The following MARK3 variants were observed in gnomAD, a reference collection of about 807,000 sequenced individuals.
The protein encoded by MARK3 is microtubule affinity regulating kinase 3, also known as MAP/microtubule affinity-regulating kinase 3.
MARK3 carries 46 observed loss-of-function variants against 90.1 expected under a neutral mutation model. The observed-to-expected ratio is 0.51, with a 90% CI of 0.40 to 0.65. The LOEUF is 0.65. Ranked by LOEUF, MARK3 falls within the 30% of genes least tolerant of loss-of-function variation. The pLI is 0.00. For synonymous variants in MARK3, 321 were observed against 332.6 expected (o/e 0.97, Z 0.38); for missense variants, 818 against 947.2 (o/e 0.86, Z 1.79).
intron 15 of MARK3, among the ~76,000 whole-genome samples, chr14:103,496,436 G>A (rs978949573): frequency 3.3e-5 from 5 of 149,466 alleles, no homozygotes; most frequent in Non-Finnish European, 5.9e-5. Flanking sequence ...TTTTTGAGAC[G>A]GAGTCTCGCT....
intron 11 of MARK3, 82 bp from the exon 12 acceptor site, chr14:103,467,951 T>G: frequency 7.3e-7 from 1 of 1,363,746 alleles, no homozygotes. Context: ...ATGAGAGGTC[T>G]GTGTTAATGA....
chr14:103,386,560 C>G (rs926424790), intron 1 of MARK3, among the ~76,000 whole-genome samples: 3 of 152,206 alleles, frequency 2.0e-5, no homozygotes, highest in African/African-American at 7.2e-5. Flanking sequence ...TGGTCTGGAA[C>G]TAAATTTAAT....
intron 4 of MARK3, 24 bp from the exon 5 acceptor site, chr14:103,451,894 T>A (rs373645149): frequency 3.2e-6 from 5 of 1,575,342 alleles, no homozygotes; most frequent in Non-Finnish European, 4.3e-6. Flanking sequence ...CTCTTTTTCT[T>A]CCGTGTCCTC....
chr14:103,402,213 C>T (rs2091005210), intron 1 of MARK3, among the ~76,000 whole-genome samples: 1 of 152,162 alleles, frequency 6.6e-6, no homozygotes, highest in Non-Finnish European at 1.5e-5. Flanking sequence ...ATTATAAGCA[C>T]ACTGGTGAGT....
intron 2 of MARK3, among the ~76,000 whole-genome samples, chr14:103,425,268 A>ATTTC (rs2092364489): frequency 6.8e-6 from 1 of 146,312 alleles, no homozygotes; most frequent in African/African-American, 2.5e-5. Flanking sequence ...TTATTTATTT[A>ATTTC]TTTATTTATT....
At chr14:103,424,067 G>C (rs1250970850) in intron 2 of MARK3, among the ~76,000 whole-genome samples, 1 of 152,104 alleles carries the variant, frequency 6.6e-6, no homozygotes, top group Non-Finnish European at 1.5e-5. Context: ...AATTAGCTGG[G>C]TGTGGTGGCA....
intron 4 of MARK3, among the ~76,000 whole-genome samples, chr14:103,450,875 A>AGTGTGTGTGT (rs61183226): frequency 1.9e-3 from 222 of 114,874 alleles, no homozygotes; most frequent in South Asian, 3.3e-3. Context: ...TCATTTTTAA[A>AGTGTGTGTGT]GTGTGTGTGT....
intron 3 of MARK3, among the ~76,000 whole-genome samples, chr14:103,432,582 G>A (rs1322151201): frequency 6.6e-6 from 1 of 152,102 alleles, no homozygotes; most frequent in African/African-American, 2.4e-5. Context: ...CCGGCACAGT[G>A]GCTCACTCCT....
intron 3 of MARK3, among the ~76,000 whole-genome samples, chr14:103,445,362 C>T (rs1460754453): frequency 1.3e-5 from 2 of 152,198 alleles, no homozygotes; most frequent in South Asian, 4.1e-4. Flanking sequence ...CTTCCTGCTT[C>T]CTCCCTGTCC....
intron 2 of MARK3, among the ~76,000 whole-genome samples, chr14:103,426,862 T>A (rs1595616326): frequency 6.6e-6 from 1 of 150,528 alleles, no homozygotes. Context: ...TCCCTTTCCT[T>A]CTTTAACTGC....
chr14:103,446,014 G>A (rs953108987), intron 3 of MARK3, among the ~76,000 whole-genome samples: 1 of 152,170 alleles, frequency 6.6e-6, no homozygotes, highest in African/African-American at 2.4e-5. Context: ...CTTGGTTTCA[G>A]GTATACAGTA....
intron 6 of MARK3, chr14:103,458,872 G>T: frequency 5.7e-6 from 3 of 523,178 alleles, no homozygotes; most frequent in Non-Finnish European, 1.0e-5. Flanking sequence ...ATGGTACTTT[G>T]AATTCAAATC....
At chr14:103,418,021 A>C (rs1365572880) in intron 2 of MARK3, among the ~76,000 whole-genome samples, 1 of 152,196 alleles carries the variant, frequency 6.6e-6, no homozygotes, top group East Asian at 1.9e-4. Flanking sequence ...GTGAGCCGAG[A>C]TCGCGCCACT....
At chr14:103,492,761 C>G (rs916619867) in intron 15 of MARK3, among the ~76,000 whole-genome samples, 1 of 152,148 alleles carries the variant, frequency 6.6e-6, no homozygotes, top group Non-Finnish European at 1.5e-5. Flanking sequence ...ACTTCATTTC[C>G]GTAACCTTGT....
intron 14 of MARK3, among the ~76,000 whole-genome samples, chr14:103,482,061 C>T (rs541698212): frequency 6.6e-6 from 1 of 151,750 alleles, no homozygotes; most frequent in Non-Finnish European, 1.5e-5. Context: ...CCACCGTACC[C>T]AGCCAGGTAT....
chr14:103,399,938 C>CT (rs11323012), intron 1 of MARK3, among the ~76,000 whole-genome samples: 2,413 of 145,048 alleles, frequency 0.017, 47 homozygotes, highest in African/African-American at 0.047. Context: ...CCCCACCCTC[C>CT]TTTTTTTTTT....
chr14:103,398,324 T>C (rs2090719942), intron 1 of MARK3, among the ~76,000 whole-genome samples: 2 of 152,248 alleles, frequency 1.3e-5, no homozygotes, highest in Admixed American at 6.5e-5. Flanking sequence ...TTCCCGTTTC[T>C]CTGCCAACAT....
At position 103,443,661 on chromosome 14, in the gene MARK3, A is replaced by G. The variant is rs534961036; in HGVS notation, c.298-5258A>G. Among the ~76,000 whole-genome samples the G allele has an allele frequency of 2.0e-5, 3 of 152,348 alleles. No homozygotes were observed. In the East Asian group the frequency reaches 5.8e-4, roughly 29 times the overall value. ...TTGAGGAAGGGGTCGTCTTTAAAATAGGTTACCTACCTAGCACTTGGGAGA... is the reference window on the plus strand; with the variant it reads ...TTGAGGAAGGGGTCGTCTTTAAAATGGGTTACCTACCTAGCACTTGGGAGA... On this transcript the variant is annotated intron_variant, in intron 3 of 17. Coordinates refer to ENST00000429436, the MANE Select transcript of MARK3 (RefSeq NM_001128918.3).
intron 3 of MARK3, among the ~76,000 whole-genome samples, chr14:103,437,406 T>A (rs375856033): frequency 4.0e-5 from 6 of 150,530 alleles, no homozygotes; most frequent in South Asian, 4.2e-4. Flanking sequence ...AAAAAAAAAA[T>A]ACATTATAAA....
Sources: gnomAD v4.1 joint callset for allele counts (sites outside exome capture counted in the v4.1 genomes callset) on GRCh38, gnomAD v4.1.1 for gene constraint, MANE v1.5 for transcripts, NCBI Gene and HGNC (gene_info 2026-07-23, HGNC 2026-07-21) for gene names.